The following NXNL2 variants were observed in gnomAD, a reference collection of about 807,000 sequenced individuals.
NXNL2 encodes nucleoredoxin-like protein 2.
NXNL2 carries 7 observed loss-of-function variants against 11.1 expected under a neutral mutation model. The ratio of observed to expected loss-of-function variants is 0.63; its 90% CI spans 0.36 to 1.18. The LOEUF is 1.18. Ranked by LOEUF, NXNL2 falls within the 50% of genes most tolerant of loss-of-function variation. The pLI is 0.02. For missense variants in NXNL2, 233 were observed against 217.7 expected (o/e 1.07, Z -0.44); for synonymous variants, 109 against 101.8 (o/e 1.07, Z -0.42).
chr9:88,555,086 C>T (rs896136357), intron 1 of NXNL2, among the ~76,000 whole-genome samples: 1 of 152,156 alleles, frequency 6.6e-6, no homozygotes, highest in African/African-American at 2.4e-5. Flanking sequence ...CAGGGTAAAC[C>T]CTGAAACGGG....
intron 1 of NXNL2, among the ~76,000 whole-genome samples, chr9:88,554,637 T>C (rs1209041102): frequency 6.6e-6 from 1 of 152,334 alleles, no homozygotes; most frequent in Admixed American, 6.5e-5. Flanking sequence ...ATGTCTGCAC[T>C]GAAGGAAATC....
downstream of NXNL2, among the ~76,000 whole-genome samples, chr9:88,546,639 T>G (rs1303868998): frequency 6.6e-6 from 1 of 152,070 alleles, no homozygotes; most frequent in Non-Finnish European, 1.5e-5. Flanking sequence ...GGTCTCGAAC[T>G]CCTGACCTCA....
chr9:88,542,005 C>T (rs1465870707), intron 1 of NXNL2, among the ~76,000 whole-genome samples: 9 of 151,954 alleles, frequency 5.9e-5, no homozygotes, highest in Admixed American at 2.0e-4. Flanking sequence ...CCGAGGTAGG[C>T]GGATCACGAG....
intron 2 of NXNL2, among the ~76,000 whole-genome samples, chr9:88,571,761 A>G (rs1830268994): frequency 2.6e-5 from 4 of 152,178 alleles, no homozygotes; most frequent in African/African-American, 7.2e-5. Context: ...CAGTCCCACC[A>G]TGAATCCTTG....
chr9:88,559,858 G>A (rs897528285), intron 1 of NXNL2, among the ~76,000 whole-genome samples: 1 of 152,194 alleles, frequency 6.6e-6, no homozygotes, highest in African/African-American at 2.4e-5. Flanking sequence ...AAGCCACCAA[G>A]TGGCAGGTTT....
rs534587168 is a variant in NXNL2, at chr9:88,564,490, C to T, written c.303-6597C>T. On this transcript the variant is annotated intron_variant, in intron 1 of 2. Coordinates refer to the NXNL2 transcript ENST00000375855. ...GGAGTGCAGTGGCACCATCTCAGCTCACTGCAACCTCCGCCTCCAGGGTTC... is the reference window on the plus strand; with the variant it reads ...GGAGTGCAGTGGCACCATCTCAGCTTACTGCAACCTCCGCCTCCAGGGTTC... Among the ~76,000 whole-genome samples the T allele has an allele frequency of 2.6e-5, 4 of 152,226 alleles. No individual in the cohort carries two copies. The South Asian group carries it at 6.2e-4, about 24-fold the overall frequency.
downstream of NXNL2, among the ~76,000 whole-genome samples, chr9:88,580,312 C>T (rs1830395274): frequency 5.9e-5 from 9 of 151,970 alleles, no homozygotes. Flanking sequence ...AGCCACCAGG[C>T]CTGGCTAATT....
chr9:88,551,228 G>A (rs1386442668), intron 1 of NXNL2, among the ~76,000 whole-genome samples: 2 of 152,128 alleles, frequency 1.3e-5, no homozygotes, highest in African/African-American at 2.4e-5. Context: ...TCTGGGAAAT[G>A]TCTCAGAGTT....
At chr9:88,578,463 A>C (rs58380714), downstream of NXNL2, among the ~76,000 whole-genome samples, 312 of 152,364 alleles carry the variant, frequency 2.0e-3, no homozygotes, top group African/African-American at 7.2e-3. Flanking sequence ...TTAGTAATAA[A>C]ATTTATTTGG....
chr9:88,558,245 G>A (rs1281730580), intron 1 of NXNL2, among the ~76,000 whole-genome samples: 1 of 152,118 alleles, frequency 6.6e-6, no homozygotes, highest in Non-Finnish European at 1.5e-5. Flanking sequence ...CATCAGTCAT[G>A]CCTACATAAT....
At chr9:88,558,978 A>C (rs1379490124) in intron 1 of NXNL2, among the ~76,000 whole-genome samples, 1 of 152,006 alleles carries the variant, frequency 6.6e-6, no homozygotes, top group Non-Finnish European at 1.5e-5. Context: ...CCCTTATGGC[A>C]CCCAGCACTC....
downstream of NXNL2, among the ~76,000 whole-genome samples, chr9:88,576,999 C>T (rs1564078555): frequency 1.3e-5 from 2 of 152,110 alleles, no homozygotes; most frequent in Admixed American, 6.5e-5. Flanking sequence ...CTCCCAAGCC[C>T]CAGGCTACTG....
At chr9:88,561,238 C>T (rs1810461954) in intron 1 of NXNL2, among the ~76,000 whole-genome samples, 1 of 152,178 alleles carries the variant, frequency 6.6e-6, no homozygotes, top group Non-Finnish European at 1.5e-5. Context: ...TCCCAGCCTA[C>T]ATCTTTCTCC....
chr9:88,563,513 G>A (rs959348821), intron 1 of NXNL2, among the ~76,000 whole-genome samples: 5 of 152,230 alleles, frequency 3.3e-5, no homozygotes, highest in African/African-American at 4.8e-5. Context: ...TCTCACTTGC[G>A]TGGTCACAGT....
chr9:88,556,105 C>G (rs1390026429), intron 1 of NXNL2, among the ~76,000 whole-genome samples: 1 of 152,226 alleles, frequency 6.6e-6, no homozygotes, highest in Non-Finnish European at 1.5e-5. Flanking sequence ...GGTCACAACT[C>G]TGGCTCAGGG....
downstream of NXNL2, among the ~76,000 whole-genome samples, chr9:88,578,599 G>A (rs545605305): frequency 7.2e-5 from 11 of 152,240 alleles, no homozygotes; most frequent in Non-Finnish European, 1.5e-4. Flanking sequence ...TTCAGGTTGG[G>A]AAGTCCGGTC....
At chr9:88,555,077 A>G (rs1829991551) in intron 1 of NXNL2, among the ~76,000 whole-genome samples, 1 of 152,248 alleles carries the variant, frequency 6.6e-6, no homozygotes, top group South Asian at 2.1e-4. Context: ...ATGATGTTGC[A>G]GGGTAAACCC....
downstream of NXNL2, among the ~76,000 whole-genome samples, chr9:88,545,905 T>C (rs950651657): frequency 6.6e-6 from 1 of 152,212 alleles, no homozygotes; most frequent in Admixed American, 6.5e-5. Context: ...TAGCTGGGAT[T>C]ACAGGCGCCC....
chr9:88,546,661 C>T (rs1012550867), downstream of NXNL2, among the ~76,000 whole-genome samples: 1 of 152,066 alleles, frequency 6.6e-6, no homozygotes, highest in Admixed American at 6.6e-5. Context: ...GTGATCCACC[C>T]GCTTCGGCCT....
Sources: gnomAD v4.1 joint callset for allele counts (sites outside exome capture counted in the v4.1 genomes callset) on GRCh38, gnomAD v4.1.1 for gene constraint, MANE v1.5 for transcripts, NCBI Gene and HGNC (gene_info 2026-07-23, HGNC 2026-07-21) for gene names.